PEX5L: variants seen among roughly 807,000 people sequenced by gnomAD.
PEX5L encodes the protein peroxisomal biogenesis factor 5 like.
In PEX5L, 30 loss-of-function variants were observed where a neutral mutation model predicts 84.0. The ratio of observed to expected loss-of-function variants is 0.36; its 90% CI spans 0.27 to 0.48. PEX5L has a LOEUF of 0.48. Ranked by LOEUF, PEX5L falls within the 20% of genes least tolerant of loss-of-function variation. PEX5L has a pLI of 0.99. For missense variants in PEX5L, 533 were observed against 754.6 expected (o/e 0.71, Z 3.44); for synonymous variants, 270 against 283.1 (o/e 0.95, Z 0.46).
chr3:179,889,052 C>T lies in PEX5L; in HGVS notation c.199-1268G>A, dbSNP rs948895602. Among the ~76,000 whole-genome samples, 4 of 152,098 alleles carry T rather than the reference C, an allele frequency of 2.6e-5. No homozygotes were observed. The East Asian group carries it at 5.8e-4, about 22-fold the overall frequency. On this transcript the variant is annotated intron_variant, in intron 3 of 14. Coordinates refer to ENST00000467460, the MANE Select transcript of PEX5L (RefSeq NM_016559.3). ...TCGACCTCCTAAAGTGTTGAGATTA[C>T]AGGTGTGAGCCACTGTGCCTGGCCA...
intron 14 of PEX5L, among the ~76,000 whole-genome samples, chr3:179,803,118 A>G (rs1719755178): frequency 6.6e-6 from 1 of 152,204 alleles, no homozygotes; most frequent in African/African-American, 2.4e-5. Flanking sequence ...AATTTTCCAG[A>G]GACTACATGG....
At chr3:179,824,194 C>A (rs1304862890) in intron 8 of PEX5L, among the ~76,000 whole-genome samples, 1 of 152,174 alleles carries the variant, frequency 6.6e-6, no homozygotes, top group South Asian at 2.1e-4. Context: ...CATAGAGCTA[C>A]TTTTGATTTT....
intron 7 of PEX5L, among the ~76,000 whole-genome samples, chr3:179,861,446 A>C (rs1360176309): frequency 6.6e-6 from 1 of 152,170 alleles, no homozygotes; most frequent in Non-Finnish European, 1.5e-5. Flanking sequence ...TGAATGCCGG[A>C]GGGGCCTGCC....
intron 8 of PEX5L, among the ~76,000 whole-genome samples, chr3:179,852,232 C>A (rs968451122): frequency 5.3e-5 from 8 of 152,106 alleles, no homozygotes; most frequent in African/African-American, 1.9e-4. Flanking sequence ...CTGGAGAATC[C>A]ATTCGCAAGA....
At chr3:179,947,334 CAAT>C (rs1419313784) in intron 2 of PEX5L, among the ~76,000 whole-genome samples, 1 of 152,002 alleles carries the variant, frequency 6.6e-6, no homozygotes, top group Non-Finnish European at 1.5e-5. Context: ...AAATATTACA[CAAT>C]AATTATCGTT....
At chr3:180,011,891 A>G (rs75197483) in intron 1 of PEX5L, among the ~76,000 whole-genome samples, 4,006 of 152,324 alleles carry the variant, frequency 0.026, 187 homozygotes, top group African/African-American at 0.092. Context: ...GCAACCAGGC[A>G]CTGAACTTTG....
chr3:179,889,058 T>A (rs1193928851), intron 3 of PEX5L, among the ~76,000 whole-genome samples: 3 of 152,176 alleles, frequency 2.0e-5, no homozygotes, highest in African/African-American at 7.2e-5. Flanking sequence ...ATTACAGGTG[T>A]GAGCCACTGT....
At chr3:179,878,841 C>T (rs1407928053) in intron 5 of PEX5L, among the ~76,000 whole-genome samples, 1 of 152,138 alleles carries the variant, frequency 6.6e-6, no homozygotes, top group Non-Finnish European at 1.5e-5. Context: ...ATCATTTAAT[C>T]ATTTTTCTAT....
intron 2 of PEX5L, among the ~76,000 whole-genome samples, chr3:179,922,451 C>CTTTTTTTTTT (rs35332742): frequency 7.5e-6 from 1 of 134,052 alleles, no homozygotes. Context: ...CTTTTCTTTT[C>CTTTTTTTTTT]TTTTTTTTTT....
intron 7 of PEX5L, among the ~76,000 whole-genome samples, chr3:179,873,502 C>T (rs543291012): frequency 2.6e-5 from 4 of 152,132 alleles, no homozygotes; most frequent in South Asian, 2.1e-4. Flanking sequence ...CCTTTAAAAG[C>T]GTTCAAGGGA....
At chr3:179,881,636 T>TTTG (rs1754194450) in intron 4 of PEX5L, 1 of 152,232 alleles carries the variant, frequency 6.6e-6, no homozygotes, top group South Asian at 2.1e-4. Context: ...TTCTATCCTT[T>TTTG]TTGTTGTTGT....
intron 10 of PEX5L, among the ~76,000 whole-genome samples, chr3:179,815,648 A>G (rs573478806): frequency 1.3e-5 from 2 of 152,308 alleles, no homozygotes; most frequent in South Asian, 2.1e-4. Flanking sequence ...CCTGCCCCCA[A>G]TCTTTATTTA....
intron 2 of PEX5L, among the ~76,000 whole-genome samples, chr3:179,923,255 C>A (rs373166798): frequency 6.9e-6 from 1 of 143,984 alleles, no homozygotes; most frequent in East Asian, 2.0e-4. Context: ...CGCGCCACTG[C>A]ACTCCAGCCT....
intron 2 of PEX5L, among the ~76,000 whole-genome samples, chr3:179,908,260 G>C (rs1375595290): frequency 6.6e-6 from 1 of 152,162 alleles, no homozygotes; most frequent in Non-Finnish European, 1.5e-5. Context: ...TCTTAAAGCT[G>C]CAAGCCACAG....
At chr3:179,809,351 G>A (rs1442287680) in intron 12 of PEX5L, 120 bp downstream of exon 12, 5 of 736,286 alleles carry the variant, frequency 6.8e-6, no homozygotes, top group Non-Finnish European at 1.2e-5. Flanking sequence ...GCAGAATACT[G>A]TCCTGCAAAC....
intron 7 of PEX5L, among the ~76,000 whole-genome samples, chr3:179,863,810 AG>A (rs1218082119): frequency 2.0e-5 from 3 of 152,174 alleles, no homozygotes; most frequent in Admixed American, 1.3e-4. Flanking sequence ...CACATGATCC[AG>A]CAATTCCACT....
At chr3:179,926,331 G>T (rs1771446539) in intron 2 of PEX5L, among the ~76,000 whole-genome samples, 2 of 152,140 alleles carry the variant, frequency 1.3e-5, no homozygotes, top group South Asian at 4.1e-4. Flanking sequence ...GCCAAGATTG[G>T]ATCCTACTTT....
At chr3:179,942,261 CGA>C (rs1477741532) in intron 2 of PEX5L, among the ~76,000 whole-genome samples, 3 of 152,162 alleles carry the variant, frequency 2.0e-5, no homozygotes, top group Non-Finnish European at 4.4e-5. Flanking sequence ...ATTTCTCCTC[CGA>C]GGGCTCCTTT....
intron 1 of PEX5L, among the ~76,000 whole-genome samples, chr3:180,009,269 A>C (rs1789203922): frequency 1.3e-5 from 2 of 152,194 alleles, no homozygotes; most frequent in South Asian, 4.2e-4. Flanking sequence ...ACATTCCTTA[A>C]CTTTTCTTAT....
Sources: allele counts gnomAD v4.1 joint callset (sites outside exome capture counted in the v4.1 genomes callset), GRCh38; gene constraint gnomAD v4.1.1; transcripts MANE v1.5; gene names NCBI Gene and HGNC (gene_info 2026-07-23, HGNC 2026-07-21).